Variants in TACC1 observed in about 807,000 individuals in gnomAD.
The protein encoded by TACC1 is transforming acidic coiled-coil containing protein 1, also known as transforming acidic coiled-coil-containing protein 1.
In TACC1, 48 loss-of-function variants were observed where a neutral mutation model predicts 84.4. That is an observed-to-expected ratio of 0.57 (90% CI 0.45 to 0.72). The LOEUF (loss-of-function observed/expected upper bound fraction) is 0.72, where lower values mean the gene tolerates loss of function less well. Among genes scored for constraint, TACC1 ranks in the 30% least tolerant of loss-of-function variants. The pLI is 0.00. For missense variants in TACC1, 920 were observed against 973.0 expected (o/e 0.95, Z 0.72); for synonymous variants, 372 against 376.3 (o/e 0.99, Z 0.13).
upstream of TACC1, chr8:38,787,166 G>C (rs1169465560): frequency 1.0e-5 from 10 of 984,808 alleles, no homozygotes; most frequent in East Asian, 6.8e-4. Flanking sequence ...GAGTAGTACG[G>C]TCCGAGGGGG....
In TACC1 at chr8:38,825,389, A is replaced by G. The variant is rs765265901; in HGVS notation, c.1452+21A>G. ...CTCGGGTGAGTCTGTGCCCATCTCC[A>G]GAATGTCTCTGAGACCAGGGGTCCT... is the stretch of plus-strand genomic sequence containing the variant. On this transcript the variant is annotated intron_variant, in intron 4 of 12. Transcript: ENST00000317827. 14 of 1,613,782 alleles carry G rather than the reference A, an allele frequency of 8.7e-6. No homozygotes were observed. In the Middle Eastern group the frequency reaches 1.5e-3, roughly 171 times the overall value.
chr8:38,794,236 A>C (rs1391785303), intron 2 of TACC1, among the ~76,000 whole-genome samples: 1 of 152,250 alleles, frequency 6.6e-6, no homozygotes, highest in Non-Finnish European at 1.5e-5. Context: ...ATCATTTAAT[A>C]GAAGTACAAA....
intron 2 of TACC1, among the ~76,000 whole-genome samples, chr8:38,806,035 A>G (rs1234837478): frequency 1.3e-5 from 2 of 152,148 alleles, no homozygotes; most frequent in African/African-American, 2.4e-5. Flanking sequence ...AGTATAAGAC[A>G]TATTGCAACC....
chr8:38,809,790 G>GCT (rs1247510553), intron 2 of TACC1, among the ~76,000 whole-genome samples: 4 of 152,048 alleles, frequency 2.6e-5, no homozygotes, highest in African/African-American at 9.7e-5. Flanking sequence ...GGGGAAAAGG[G>GCT]CTTCTCAGCT....
In TACC1 at chr8:38,819,697, A is replaced by G. The variant is rs903556151; in HGVS notation, c.453A>G (p.Pro151=). 4 of 1,614,212 alleles carry G rather than the reference A, an allele frequency of 2.5e-6. No individual in the cohort carries two copies. Among genetic ancestry groups the G allele is most frequent in the East Asian group, 2.2e-5 (1 of 44,884 alleles). Residue 151 remains proline (P), a synonymous_variant, in exon 3 of 13, where the codon CCA becomes CCG. Coordinates refer to ENST00000317827, the MANE Select transcript of TACC1 (RefSeq NM_006283.3). ...HDFSKISIVR[P]FSIETKDSTD... ...TTAGCAAAATTTCCATCGTGAGGCC[A>G]TTTTCAATAGAAACGAAGGATTCCA...
intron 2 of TACC1, among the ~76,000 whole-genome samples, chr8:38,810,900 T>G (rs2152122018): frequency 6.6e-6 from 1 of 152,248 alleles, no homozygotes; most frequent in East Asian, 1.9e-4. Context: ...GAGGATGATG[T>G]GGGCCCAGGA....
intron 7 of TACC1, 24 bp downstream of exon 7, chr8:38,836,311 G>A (rs1287645167): frequency 1.9e-6 from 3 of 1,598,840 alleles, no homozygotes; most frequent in Non-Finnish European, 1.7e-6. Flanking sequence ...TGTTTAGTCT[G>A]CTTATCACTC....
chr8:38,775,540 C>G (rs1202919243), intron 3 of TACC1, among the ~76,000 whole-genome samples: 2 of 152,182 alleles, frequency 1.3e-5, no homozygotes, highest in Non-Finnish European at 1.5e-5. Context: ...TGTCTTCTCC[C>G]TGTGTCCTCA....
In TACC1 at chr8:38,848,078, A is replaced by G. The variant is rs1477569068; in HGVS notation, c.*55A>G. 8.5e-6 allele frequency: 13 copies of G among 1,522,982 alleles called. No homozygotes were observed. Among genetic ancestry groups the G allele is most frequent in the Non-Finnish European group, 1.1e-5 (12 of 1,108,674 alleles). The allele number at this position is 1,522,982 out of a possible 1,614,324, so 94.3% of individuals were successfully genotyped here. A position where few individuals can be genotyped will look rare whatever the true frequency, so the allele number is the denominator to read the frequency against. ...GCATTTGGCTGCTTCTCTTGTGACCACAATTATCTTGCCTTATCCAGGAAT... is the reference window on the plus strand; with the variant it reads ...GCATTTGGCTGCTTCTCTTGTGACCGCAATTATCTTGCCTTATCCAGGAAT... On this transcript the variant is annotated 3_prime_UTR_variant, in exon 13 of 13. Coordinates refer to ENST00000317827, the MANE Select transcript of TACC1 (RefSeq NM_006283.3).
chr8:38,820,465 AC>A lies in TACC1; in HGVS notation c.1225del (p.Leu409SerfsTer27), dbSNP rs763445568. Reference protein sequence around the residue: ...GSHSVLQNSPPLSSEGSYHFD... With the variant: ...GSHSVLQNSPXLSSEGSYHFD... Reference sequence around the variant, plus strand: ...GCCACTCTGTTCTGCAGAACTCCCCACCCCTCTCTTCTGAGGGCTCCTACCA... The same window carrying A: ...GCCACTCTGTTCTGCAGAACTCCCCACCCTCTCTTCTGAGGGCTCCTACCA... On this transcript the variant is annotated frameshift_variant, in exon 3 of 13. Transcript: ENST00000317827. LOFTEE classifies it high-confidence loss of function. The A allele has an allele frequency of 6.2e-7, 1 of 1,613,902 alleles. No homozygotes were observed. Among genetic ancestry groups the A allele is most frequent in the Non-Finnish European group, 8.5e-7 (1 of 1,179,950 alleles).
intron 6 of TACC1, among the ~76,000 whole-genome samples, chr8:38,835,307 C>G (rs186716294): frequency 6.6e-6 from 1 of 151,314 alleles, no homozygotes; most frequent in Non-Finnish European, 1.5e-5. Flanking sequence ...CCAGCAAAAA[C>G]GTCTTTTAGG....
chr8:38,838,558 G>A lies in TACC1; in HGVS notation c.1916+12G>A, dbSNP rs1830650596. Reference sequence around the variant, plus strand: ...GTTTTGGAGATGAGGTTAGACTGGAGGTTTTGGGGAGGGGCTGGATACTTT... The same window carrying A: ...GTTTTGGAGATGAGGTTAGACTGGAAGTTTTGGGGAGGGGCTGGATACTTT... On this transcript the variant is annotated intron_variant, in intron 8 of 12. Transcript: ENST00000317827. 1 of 1,609,026 alleles carries A rather than the reference G, an allele frequency of 6.2e-7. No homozygotes were observed. The highest frequency in any genetic ancestry group is 8.5e-7 in the Non-Finnish European group (1 of 1,175,474).
At chr8:38,732,726 A>T (rs992370367) in intron 1 of TACC1, among the ~76,000 whole-genome samples, 3 of 152,208 alleles carry the variant, frequency 2.0e-5, no homozygotes, top group African/African-American at 7.2e-5. Flanking sequence ...GCAAATAGCG[A>T]TAGCAAGGTT....
At position 38,758,678 on chromosome 8, in the gene TACC1, C is replaced by CAAA. The variant is rs773304871; in HGVS notation, c.26+13209_26+13211dup. Among the ~76,000 whole-genome samples, 149 of 26,100 alleles carry CAAA rather than the reference C, an allele frequency of 5.7e-3. 22 individuals are homozygous for CAAA. Among genetic ancestry groups the CAAA allele is most frequent in the Non-Finnish European group, 8.6e-3 (92 of 10,750 alleles). 17.1% of individuals were successfully genotyped at this position (26,100 alleles called of 152,430 possible). A position where few individuals can be genotyped will look rare whatever the true frequency, so the allele number is the denominator to read the frequency against. ...TGGGCGACAGAGGGAGACTCCATCT[C>CAAA]AAAAAAAAAAAAAAAAAAAAAAAAA... On this transcript the variant is annotated intron_variant, in intron 3 of 14. Coordinates refer to the TACC1 transcript ENST00000518415.
At chr8:38,825,422 G>A in intron 4 of TACC1, 54 bp downstream of exon 4, 1 of 1,600,042 alleles carries the variant, frequency 6.2e-7, no homozygotes, top group East Asian at 2.2e-5. Context: ...CCTCCAGTGG[G>A]AGTTTGCATC....
intron 3 of TACC1, among the ~76,000 whole-genome samples, chr8:38,780,950 G>A (rs531949122): frequency 6.6e-6 from 1 of 152,260 alleles, no homozygotes; most frequent in Admixed American, 6.5e-5. Context: ...AAGATTATTG[G>A]TCACAAACAC....
chr8:38,801,836 C>G (rs1821436578), intron 2 of TACC1, among the ~76,000 whole-genome samples: 1 of 152,172 alleles, frequency 6.6e-6, no homozygotes, highest in African/African-American at 2.4e-5. Context: ...AATATTAAAT[C>G]TTCCAATTCA....
intron 3 of TACC1, among the ~76,000 whole-genome samples, chr8:38,774,379 CA>C (rs1814366448): frequency 6.6e-6 from 1 of 152,292 alleles, no homozygotes; most frequent in South Asian, 2.1e-4. Context: ...CAGTGTTCAG[CA>C]GAGGCTGGCA....
In TACC1 at chr8:38,820,400, C is replaced by T; in HGVS notation, c.1156C>T (p.Pro386Ser). 6.2e-7 allele frequency: 1 copy of T among 1,614,176 alleles called. No homozygotes were observed. The highest frequency in any genetic ancestry group is 1.1e-5 in the South Asian group (1 of 91,074). Reference sequence around the variant, plus strand: ...CTCCCAAACATCTTCCAAGCCAGATCCTAGTCAGTGGGAAAGCCCCAGCTT... The same window carrying T: ...CTCCCAAACATCTTCCAAGCCAGATTCTAGTCAGTGGGAAAGCCCCAGCTT... ...PLSQTSSKPD[P>S]SQWESPSFNP... Residue 386 changes from proline (P) to serine (S), a missense_variant, in exon 3 of 13, where the codon CCT (proline) becomes TCT (serine). Coordinates refer to ENST00000317827, the MANE Select transcript of TACC1 (RefSeq NM_006283.3).
Sources: gnomAD v4.1 joint callset for allele counts (sites outside exome capture counted in the v4.1 genomes callset) on GRCh38, gnomAD v4.1.1 for gene constraint, MANE v1.5 for transcripts, NCBI Gene and HGNC (gene_info 2026-07-23, HGNC 2026-07-21) for gene names.